NUDT19: variants seen among roughly 807,000 people sequenced by gnomAD.
The protein encoded by NUDT19 is acyl-coenzyme A diphosphatase NUDT19.
Under a neutral mutation model 22.2 loss-of-function variants are expected in NUDT19, and 31 were observed. The ratio of observed to expected loss-of-function variants is 1.40; its 90% CI spans 1.05 to 1.89. The LOEUF (loss-of-function observed/expected upper bound fraction) is 1.89, where lower values mean the gene tolerates loss of function less well. Among genes scored for constraint, NUDT19 ranks in the 40% most tolerant of loss-of-function variants. NUDT19 has a pLI of 0.00. For missense variants in NUDT19, 752 were observed against 514.2 expected, an observed-to-expected ratio of 1.46 and a Z score of -4.47; for synonymous variants, 325 against 230.8, an observed-to-expected ratio of 1.41 and a Z score of -3.70.
At chr19:32,711,456 C>T (rs1968446293) in intron 2 of NUDT19, among the ~76,000 whole-genome samples, 1 of 151,958 alleles carries the variant, frequency 6.6e-6, no homozygotes, top group Non-Finnish European at 1.5e-5. Flanking sequence ...GAGTGAGACT[C>T]CATCTCAAAA....
At chr19:32,708,325 G>A (rs1460011688) in intron 1 of NUDT19, among the ~76,000 whole-genome samples, 1 of 151,372 alleles carries the variant, frequency 6.6e-6, no homozygotes, top group African/African-American at 2.4e-5. Flanking sequence ...TACTTGGGAG[G>A]CTGAGGCAGG....
In NUDT19 at chr19:32,712,978, A is replaced by C. The variant is rs1259048730; in HGVS notation, c.*1021A>C. 1 of 152,154 alleles carries C rather than the reference A, an allele frequency of 6.6e-6. No individual in the cohort carries two copies. Among genetic ancestry groups the C allele is most frequent in the Non-Finnish European group, 1.5e-5 (1 of 68,034 alleles). The allele number at this position is 152,154 out of a possible 1,614,324, so 9.4% of individuals were successfully genotyped here. On this transcript the variant is annotated 3_prime_UTR_variant, in exon 3 of 3. Transcript: ENST00000397061. ...TGAGACTTTCTGCTGGAATTACTTT[A>C]AGGGTGTCTTATTAGATGATGAAAA...
rs756906232 is a variant in NUDT19 at position 32,692,307 on chromosome 19, G to C, written c.347G>C (p.Gly116Ala). The C allele has an allele frequency of 3.1e-6, 5 of 1,592,958 alleles. No homozygotes were observed. Among genetic ancestry groups the C allele is most frequent in the Non-Finnish European group, 4.2e-6 (5 of 1,177,730 alleles). Residue 116 changes from glycine to alanine, a missense_variant, in exon 1 of 3, where the codon GGG (glycine) becomes GCG (alanine). Coordinates refer to ENST00000397061, the MANE Select transcript of NUDT19 (RefSeq NM_001105570.2). ...GATGACCACAAGACCGACAACACTG[G>C]GACGCTGCCTGAGGACGTAGCCTTC... ...DTDDHKTDNT[G>A]TLPEDVAFRI...
chr19:32,696,615 G>A (rs1968266480), intron 1 of NUDT19, among the ~76,000 whole-genome samples: 2 of 152,186 alleles, frequency 1.3e-5, no homozygotes, highest in Non-Finnish European at 2.9e-5. Context: ...GTAGATAATA[G>A]CTCCAGCTTT....
intron 1 of NUDT19, among the ~76,000 whole-genome samples, chr19:32,693,608 G>T (rs573437622): frequency 2.7e-5 from 4 of 149,630 alleles, no homozygotes; most frequent in Non-Finnish European, 6.0e-5. Context: ...ATTTTGCAGA[G>T]TGCTGATTGG....
chr19:32,699,158 C>T (rs751681549), intron 1 of NUDT19, among the ~76,000 whole-genome samples: 1 of 152,050 alleles, frequency 6.6e-6, no homozygotes, highest in African/African-American at 2.4e-5. Flanking sequence ...GCCCGGGTGT[C>T]TAAAGAAGGT....
chr19:32,710,762 G>A (rs1167323078), intron 2 of NUDT19, among the ~76,000 whole-genome samples: 2 of 147,122 alleles, frequency 1.4e-5, no homozygotes, highest in South Asian at 2.2e-4. Context: ...GCATGGGGGC[G>A]CATGCCTATA....
chr19:32,699,258 A>C (rs570916503), intron 1 of NUDT19, among the ~76,000 whole-genome samples: 2 of 152,304 alleles, frequency 1.3e-5, no homozygotes, highest in African/African-American at 4.8e-5. Flanking sequence ...AAGTGGGACT[A>C]GCCTCAAAGA....
intron 1 of NUDT19, 111 bp downstream of exon 1, chr19:32,692,785 T>A (rs896315439): frequency 4.0e-6 from 3 of 753,332 alleles, no homozygotes; most frequent in South Asian, 2.5e-5. Context: ...CCAGAGAGAT[T>A]AAGCAGCAAG....
In NUDT19 at chr19:32,692,647, C is replaced by T. The variant is rs749386614; in HGVS notation, c.687C>T (p.Pro229=). The T allele has an allele frequency of 9.9e-6, 15 of 1,521,472 alleles. No homozygotes were observed. In the African/African-American group the frequency reaches 1.1e-4, roughly 12 times the overall value. The allele number at this position is 1,521,472 out of a possible 1,614,324, so 94.2% of individuals were successfully genotyped here. Residue 229 remains proline, a synonymous_variant, in exon 1 of 3, where the codon CCC becomes CCT. Coordinates refer to ENST00000397061, the MANE Select transcript of NUDT19 (RefSeq NM_001105570.2). ...TGCGCGAGCCGCCGCCCGTCTACCC[C>T]GACTTGGCGGAGGTGGTGGGCTACC... ...CCLREPPPVY[P]DLAEVVGYQW...
chr19:32,692,162 G>A lies in NUDT19; in HGVS notation c.202G>A (p.Asp68Asn). ...GCACGTCTTCTCCGGCGGAGTGCTG[G>A]ATGCGGCCGACCGCTCGGCGGACTG... ...GAHVFSGGVLDAADRSADWLG... is the reference protein window; with the variant it reads ...GAHVFSGGVLNAADRSADWLG... The change falls in exon 1 of 3, where the codon GAT becomes AAT. Residue 68 changes from aspartate (D) to asparagine (N), a missense_variant. By Grantham distance (23) the Asp-to-Asn change is conservative. Transcript: ENST00000397061. The A allele has an allele frequency of 2.6e-6, 4 of 1,526,874 alleles. No homozygotes were observed. The highest frequency in any genetic ancestry group is 3.5e-6 in the Non-Finnish European group (4 of 1,146,712). The allele number at this position is 1,526,874 out of a possible 1,614,324, so 94.6% of individuals were successfully genotyped here.
Position 32,712,012 on chromosome 19 carries a change from G to A in NUDT19, c.*55G>A. On this transcript the variant is annotated 3_prime_UTR_variant, in exon 3 of 3. Coordinates refer to ENST00000397061, the MANE Select transcript of NUDT19 (RefSeq NM_001105570.2). ...ACTTGAAGTCCTCATGAATAATGAG[G>A]GTTGACTTTCATTTGCTTGAAACTT... The A allele has an allele frequency of 3.6e-6, 4 of 1,120,604 alleles. No individual in the cohort carries two copies. The South Asian group carries it at 5.1e-5, about 14-fold the overall frequency. The allele number at this position is 1,120,604 out of a possible 1,614,324, so 69.4% of individuals were successfully genotyped here. A position where few individuals can be genotyped will look rare whatever the true frequency, so the allele number is the denominator to read the frequency against.
chr19:32,706,240 G>C (rs1309249142), intron 1 of NUDT19, among the ~76,000 whole-genome samples: 1 of 152,124 alleles, frequency 6.6e-6, no homozygotes, highest in Non-Finnish European at 1.5e-5. Flanking sequence ...TTTCCTCTCA[G>C]GTACAGCTTT....
intron 1 of NUDT19, among the ~76,000 whole-genome samples, chr19:32,694,411 G>T (rs1453770753): frequency 6.6e-6 from 1 of 152,216 alleles, no homozygotes; most frequent in Non-Finnish European, 1.5e-5. Context: ...GTCTATTTGG[G>T]ATTGTAGTTA....
chr19:32,694,252 C>T (rs1203572643), intron 1 of NUDT19, among the ~76,000 whole-genome samples: 1 of 152,298 alleles, frequency 6.6e-6, no homozygotes, highest in East Asian at 1.9e-4. Flanking sequence ...ATTTCAGAAA[C>T]CTTTTCCTGT....
Position 32,691,968 on chromosome 19 carries a change from G to C in NUDT19, c.8G>C (p.Ser3Thr). The C allele has an allele frequency of 8.1e-7, 1 of 1,230,802 alleles. No homozygotes were observed. The highest frequency in any genetic ancestry group is 1.0e-6 in the Non-Finnish European group (1 of 988,818). The allele number at this position is 1,230,802 out of a possible 1,614,324, so 76.2% of individuals were successfully genotyped here. The change falls in exon 1 of 3, where the codon AGC becomes ACC. Residue 3 changes from serine (S) to threonine (T), a missense_variant. Coordinates refer to ENST00000397061, the MANE Select transcript of NUDT19 (RefSeq NM_001105570.2). ...TCCGGGAAGCTGCGCGCCATGAGCA[G>C]CTCCCTGCGGCCGGGCCCCAGCCGC... MS[S>T]SLRPGPSRWR...
Position 32,692,387 on chromosome 19 carries a change from C to A in NUDT19, c.427C>A (p.Pro143Thr). The change falls in exon 1 of 3, where the codon CCC becomes ACC. Residue 143 changes from proline to threonine, a missense_variant. Physicochemically the swap from Pro to Thr is conservative, Grantham distance 38 (BLOSUM62 -1). Coordinates refer to ENST00000397061, the MANE Select transcript of NUDT19 (RefSeq NM_001105570.2). ...FEEAGVLLLR[P>T]RTSPPGPAPG... Reference sequence around the variant, plus strand: ...GGAGGCGGGCGTGCTGCTGCTGCGGCCCAGGACTTCCCCACCAGGCCCAGC... The same window carrying A: ...GGAGGCGGGCGTGCTGCTGCTGCGGACCAGGACTTCCCCACCAGGCCCAGC... 6.3e-7 allele frequency: 1 copy of A among 1,581,752 alleles called. No individual in the cohort carries two copies.
At chr19:32,700,955 C>G (rs1461118769) in intron 1 of NUDT19, among the ~76,000 whole-genome samples, 2 of 151,672 alleles carry the variant, frequency 1.3e-5, no homozygotes, top group South Asian at 4.2e-4. Flanking sequence ...TGAGAGGATC[C>G]CTTGAGCCTG....
rs1968453990 is a variant in NUDT19, at chr19:32,712,136, A to G, written c.*179A>G. On this transcript the variant is annotated 3_prime_UTR_variant, in exon 3 of 3. Transcript: ENST00000397061. ...GTCGCCCAGGCTGGAGTGCAGTGGC[A>G]TGATATAGGCTCACTGGAAGCTCTG... 1.7e-6 allele frequency: 1 copy of G among 571,652 alleles called. No individual in the cohort carries two copies. The highest frequency in any genetic ancestry group is 3.1e-6 in the Non-Finnish European group (1 of 323,204). 35.4% of individuals were successfully genotyped at this position (571,652 alleles called of 1,614,324 possible).
Sources: allele counts gnomAD v4.1 joint callset (sites outside exome capture counted in the v4.1 genomes callset), GRCh38; gene constraint gnomAD v4.1.1; transcripts MANE v1.5; gene names NCBI Gene and HGNC (gene_info 2026-07-23, HGNC 2026-07-21).